LDB3: variants seen among roughly 807,000 people sequenced by gnomAD.
LDB3 encodes LIM domain-binding protein 3.
A neutral mutation model predicts 69.0 loss-of-function variants in LDB3; 49 were observed. The ratio of observed to expected loss-of-function variants is 0.71; its 90% CI spans 0.56 to 0.90. The LOEUF (loss-of-function observed/expected upper bound fraction) is 0.90. LDB3 is among the 40% of genes least tolerant of loss of function. The pLI, the probability that LDB3 is intolerant of heterozygous loss-of-function variation, is 0.00. For synonymous variants in LDB3, 387 were observed against 396.2 expected, an observed-to-expected ratio of 0.98 and a Z score of 0.28; for missense variants, 928 against 974.1, an observed-to-expected ratio of 0.95 and a Z score of 0.63.
intron 5 of LDB3, among the ~76,000 whole-genome samples, chr10:86,686,743 A>C (rs1170308191): frequency 6.7e-6 from 1 of 149,248 alleles, no homozygotes. Flanking sequence ...AGAGGTTGAG[A>C]CTGGAGTGAG....
intron 7 of LDB3, 84 bp from the exon 8 acceptor site, chr10:86,706,447 G>A: frequency 6.8e-7 from 1 of 1,465,036 alleles, no homozygotes; most frequent in South Asian, 1.1e-5. Context: ...TGCCTCTGCT[G>A]CAGCCACCTG....
intron 5 of LDB3, among the ~76,000 whole-genome samples, chr10:86,683,858 TA>T (rs1326354139): frequency 3.3e-5 from 5 of 152,210 alleles, no homozygotes; most frequent in Admixed American, 6.5e-5. Context: ...CTGAGCACCT[TA>T]GACTCATGAC....
At chr10:86,700,098 C>A (rs1846196323) in intron 7 of LDB3, 2 of 976,864 alleles carry the variant, frequency 2.0e-6, no homozygotes, top group East Asian at 1.1e-4. Context: ...CCAAGAGGGG[C>A]TGTGAGGGCA....
chr10:86,676,709 C>T (rs1256226799), intron 2 of LDB3, among the ~76,000 whole-genome samples: 2 of 152,224 alleles, frequency 1.3e-5, no homozygotes, highest in East Asian at 1.9e-4. Flanking sequence ...TTCCGTGACC[C>T]GTAATGTGGT....
At position 86,674,115 on chromosome 10, in the gene LDB3, C is replaced by T. The variant is rs116895960; in HGVS notation, c.94-5252C>T. Among the ~76,000 whole-genome samples the T allele has an allele frequency of 3.6e-3, 553 of 152,222 alleles. 2 individuals are homozygous for T. Among genetic ancestry groups the T allele is most frequent in the Middle Eastern group, 6.8e-3 (2 of 294 alleles). ...TGTGGATCTTGTTTCCTGTGGAGCC[C>T]GGGGATGTAGCCAGCCAGCCTCACA... On this transcript the variant is annotated intron_variant, in intron 2 of 13. Transcript: ENST00000361373.
In LDB3 at chr10:86,715,072, A is replaced by G. The variant is rs552255340; in HGVS notation, c.1232-1255A>G. ...AGCCACAGGCTGCCCCAGGCGGTCC[A>G]GGGGAACCAGGTGGGAAAGAGAGAC... is the stretch of plus-strand genomic sequence containing the variant. On this transcript the variant is annotated intron_variant, in intron 9 of 13. Transcript: ENST00000361373. Among the ~76,000 whole-genome samples, 28 of 152,310 alleles carry G rather than the reference A, an allele frequency of 1.8e-4. No individual in the cohort carries two copies. In the South Asian group the frequency reaches 2.9e-3, roughly 16 times the overall value.
In LDB3 at chr10:86,699,238, TTTC is replaced by T. The variant is rs778510819; in HGVS notation, c.896+6669_896+6671del. Reference sequence around the variant, plus strand: ...CTCTCTCTTTCTGTCTCTGTCTCTGTTTCTCTCTCTCTCTCTCTCTCTCTCTCT... The same window carrying T: ...CTCTCTCTTTCTGTCTCTGTCTCTGTTCTCTCTCTCTCTCTCTCTCTCTCT... On this transcript the variant is annotated intron_variant, in intron 7 of 13. Transcript: ENST00000361373. This position sits in a 1 kb window ranked among gnomAD's most constrained non-coding sequence, Gnocchi z 4.9. The T allele has an allele frequency of 2.0e-6, 3 of 1,510,928 alleles. No individual in the cohort carries two copies. The highest frequency in any genetic ancestry group is 2.6e-6 in the Non-Finnish European group (3 of 1,134,978). 93.6% of individuals were successfully genotyped at this position (1,510,928 alleles called of 1,614,324 possible).
chr10:86,716,797 T>C (rs1371806886), intron 10 of LDB3, 26 bp downstream of exon 10: 1 of 1,575,380 alleles, frequency 6.3e-7, no homozygotes, highest in East Asian at 2.3e-5. Context: ...GCCCCTGCAC[T>C]GGGGCACTGG....
rs1307504553 is a variant in LDB3 at position 86,692,012 on chromosome 10, A to G, written c.806A>G (p.Asn269Ser). The part of the protein sequence containing the change: ...EADEWARRSS[N>S]LQSRSFRILA... The stretch of plus-strand genomic sequence containing the variant: ...GACGAGTGGGCACGCCGTTCCTCCA[A>G]CCTGCAGTCTCGCTCCTTCCGCATC... The change falls in exon 6 of 14, where the codon AAC (asparagine) becomes AGC (serine). Residue 269 changes from asparagine (N) to serine (S), a missense_variant. Asn to Ser is a conservative substitution (Grantham distance 46). Transcript: ENST00000361373. The G allele has an allele frequency of 1.9e-6, 3 of 1,614,134 alleles. No individual in the cohort carries two copies. The highest frequency in any genetic ancestry group is 1.7e-5 in the Admixed American group (1 of 60,020).
At chr10:86,708,637 T>C (rs1356157607) in intron 8 of LDB3, among the ~76,000 whole-genome samples, 1 of 152,146 alleles carries the variant, frequency 6.6e-6, no homozygotes, top group African/African-American at 2.4e-5. Context: ...CAGGAATCTA[T>C]CCAGAGAAGG....
rs967486051 is a variant in LDB3, at chr10:86,720,717, G to A, written c.1978+1870G>A. Among the ~76,000 whole-genome samples the A allele has an allele frequency of 3.9e-5, 6 of 152,240 alleles. No homozygotes were observed. In the South Asian group the frequency reaches 1.2e-3, roughly 32 times the overall value. On this transcript the variant is annotated intron_variant, in intron 12 of 13. Transcript: ENST00000361373. ...TAACTTCTATTATTTGAGATAAGCCGCAATTTGTGTCTGAGGCTTTTGAAA... is the reference window on the plus strand; with the variant it reads ...TAACTTCTATTATTTGAGATAAGCCACAATTTGTGTCTGAGGCTTTTGAAA...
chr10:86,724,084 G>A (rs1051139880), intron 12 of LDB3, among the ~76,000 whole-genome samples: 32 of 152,128 alleles, frequency 2.1e-4, no homozygotes, highest in African/African-American at 7.7e-4. Flanking sequence ...GCCGAGGCAG[G>A]TGGATCACTT....
At position 86,681,650 on chromosome 10, in the gene LDB3, A is replaced by G. The variant is rs794729058; in HGVS notation, c.536A>G (p.Asp179Gly). 3.1e-6 allele frequency: 5 copies of G among 1,613,018 alleles called. No homozygotes were observed. Among genetic ancestry groups the G allele is most frequent in the Non-Finnish European group, 4.2e-6 (5 of 1,179,814 alleles). Residue 179 changes from aspartate (D) to glycine (G), a missense_variant, in exon 5 of 14, where the codon GAC (aspartate) becomes GGC (glycine). Asp to Gly is a moderately conservative substitution (Grantham distance 94). Transcript: ENST00000361373. ...AAGACCAGCCCAGAGGGGGCCCGGGACCTACTCGGCCCAAAAGCCCTGCCG... is the reference window on the plus strand; with the variant it reads ...AAGACCAGCCCAGAGGGGGCCCGGGGCCTACTCGGCCCAAAAGCCCTGCCG... ...RAKTSPEGARDLLGPKALPGS... is the reference protein window; with the variant it reads ...RAKTSPEGARGLLGPKALPGS...
chr10:86,702,495 G>A (rs959237334), intron 7 of LDB3, among the ~76,000 whole-genome samples: 3 of 152,230 alleles, frequency 2.0e-5, no homozygotes, highest in African/African-American at 7.2e-5. Context: ...CTGAAAAGGG[G>A]ACGATGGTCA....
chr10:86,676,765 C>G (rs1297762805), intron 2 of LDB3, among the ~76,000 whole-genome samples: 1 of 152,200 alleles, frequency 6.6e-6, no homozygotes, highest in African/African-American at 2.4e-5. Flanking sequence ...CAGAGCCCAT[C>G]TGGGAATGGG....
rs727504944 is a variant in LDB3, at chr10:86,718,061, G to C, written c.1774G>C (p.Glu592Gln). The change falls in exon 11 of 14, where the codon GAG becomes CAG. Residue 592 changes from glutamate (E) to glutamine (Q), a missense_variant. By Grantham distance (29) the Glu-to-Gln change is conservative. Coordinates refer to ENST00000361373, the MANE Select transcript of LDB3 (RefSeq NM_007078.3). ...CCTGGCAGATGTGTGCTTTGTGGAA[G>C]AGCAGAACAACGTTTACTGTGAGCG... is the stretch of plus-strand genomic sequence containing the variant. Reference protein sequence around the residue: ...TSLADVCFVEEQNNVYCERCY... With the variant: ...TSLADVCFVEQQNNVYCERCY... The C allele has an allele frequency of 2.6e-5, 42 of 1,614,076 alleles. No individual in the cohort carries two copies. Among genetic ancestry groups the C allele is most frequent in the Non-Finnish European group, 3.5e-5 (41 of 1,180,038 alleles).
chr10:86,690,563 T>C (rs994441819), intron 5 of LDB3, among the ~76,000 whole-genome samples: 3 of 152,166 alleles, frequency 2.0e-5, no homozygotes, highest in Admixed American at 6.5e-5. Context: ...CCACCTCTGC[T>C]CTTGTAGCCC....
intron 2 of LDB3, among the ~76,000 whole-genome samples, chr10:86,678,477 C>T (rs976276049): frequency 6.6e-6 from 1 of 151,386 alleles, no homozygotes; most frequent in African/African-American, 2.4e-5. Flanking sequence ...GTAGCTGGGA[C>T]TACAGGCGCC....
At chr10:86,690,901 G>T (rs1845726329) in intron 5 of LDB3, among the ~76,000 whole-genome samples, 1 of 152,198 alleles carries the variant, frequency 6.6e-6, no homozygotes, top group Non-Finnish European at 1.5e-5. Context: ...CTAGTTGGCT[G>T]GCCTCTCTGG....
Sources: allele counts gnomAD v4.1 joint callset (sites outside exome capture counted in the v4.1 genomes callset), GRCh38; gene constraint gnomAD v4.1.1; non-coding constraint Gnocchi (gnomAD v3.1); transcripts MANE v1.5; gene names NCBI Gene and HGNC (gene_info 2026-07-23, HGNC 2026-07-21).